Variants in MRM2 observed in about 807,000 individuals in gnomAD.
MRM2 encodes the protein mitochondrial rRNA methyltransferase 2, also known as rRNA methyltransferase 2, mitochondrial.
Under a neutral mutation model 10.9 loss-of-function variants are expected in MRM2, and 15 were observed. That is an observed-to-expected ratio of 1.37 (90% confidence interval 0.92 to 2.11). The LOEUF (loss-of-function observed/expected upper bound fraction) is 2.11. Among genes scored for constraint, MRM2 ranks in the 30% most tolerant of loss-of-function variants. MRM2 has a pLI of 0.00. For synonymous variants in MRM2, 139 were observed against 128.7 expected (o/e 1.08, Z -0.54); for missense variants, 328 against 321.3 (o/e 1.02, Z -0.16).
intron 2 of MRM2, among the ~76,000 whole-genome samples, chr7:2,235,834 A>G (rs1701118871): frequency 6.6e-6 from 1 of 152,214 alleles, no homozygotes; most frequent in African/African-American, 2.4e-5. Flanking sequence ...GACCTGTGCC[A>G]GGCATCAGGA....
intron 2 of MRM2, among the ~76,000 whole-genome samples, chr7:2,236,882 G>A (rs1340917743): frequency 6.6e-6 from 1 of 152,124 alleles, no homozygotes; most frequent in Non-Finnish European, 1.5e-5. Context: ...TTTGAATGTA[G>A]GTACAGAGTG....
intron 2 of MRM2, among the ~76,000 whole-genome samples, 153 bp from the exon 3 acceptor site, chr7:2,235,717 C>T (rs1421323061): frequency 6.6e-6 from 1 of 152,234 alleles, no homozygotes; most frequent in Non-Finnish European, 1.5e-5. Flanking sequence ...CCTTCTCTAT[C>T]TATACATCCT....
rs1794377436 is a variant in MRM2 at position 2,234,469 on chromosome 7, G to C, written c.*653C>G. 6.6e-6 allele frequency: 1 copy of C among 152,566 alleles called. No individual in the cohort carries two copies. The highest frequency in any genetic ancestry group is 1.5e-5 in the Non-Finnish European group (1 of 68,348). The allele number at this position is 152,566 out of a possible 1,614,324, so 9.5% of individuals were successfully genotyped here. A position where few individuals can be genotyped will look rare whatever the true frequency, so the allele number is the denominator to read the frequency against. On this transcript the variant is annotated 3_prime_UTR_variant, in exon 3 of 3. Coordinates refer to ENST00000242257, the MANE Select transcript of MRM2 (RefSeq NM_013393.3). Reference sequence around the variant, plus strand: ...TGCTATATTGTTCACCAGAAAGACAGAAGTTAATCCCCAGATGGAAATTTC... The same window carrying C: ...TGCTATATTGTTCACCAGAAAGACACAAGTTAATCCCCAGATGGAAATTTC...
At chr7:2,241,668 A>T (rs1794543948) in intron 1 of MRM2, among the ~76,000 whole-genome samples, 1 of 152,246 alleles carries the variant, frequency 6.6e-6, no homozygotes, top group African/African-American at 2.4e-5. Flanking sequence ...CCAAGGCCAA[A>T]GCTTCTAGCT....
At chr7:2,241,105 G>T (rs956899058) in intron 1 of MRM2, among the ~76,000 whole-genome samples, 1 of 152,188 alleles carries the variant, frequency 6.6e-6, no homozygotes, top group African/African-American at 2.4e-5. Flanking sequence ...GGGCTCAAGT[G>T]AACCTCCCAC....
At chr7:2,242,111 A>C in intron 1 of MRM2, 51 bp downstream of exon 1, 1 of 1,571,398 alleles carries the variant, frequency 6.4e-7, no homozygotes, top group Non-Finnish European at 8.6e-7. Context: ...GACCGGGCGG[A>C]CCCCCAACCA....
At chr7:2,239,381 G>A (rs1250586286) in intron 2 of MRM2, 37 bp downstream of exon 2, 3 of 1,574,724 alleles carry the variant, frequency 1.9e-6, no homozygotes, top group African/African-American at 1.3e-5. Context: ...CAGCCTCAGG[G>A]GAGCCAGAAG....
chr7:2,237,094 TC>T (rs1484224274), intron 2 of MRM2, among the ~76,000 whole-genome samples: 1 of 152,122 alleles, frequency 6.6e-6, no homozygotes, highest in African/African-American at 2.4e-5. Flanking sequence ...AGCCTTGACT[TC>T]CCCAGGTTCG....
At chr7:2,238,988 T>G in intron 2 of MRM2, 1 of 16,168 alleles carries the variant, frequency 6.2e-5, no homozygotes, top group Non-Finnish European at 8.9e-5. Flanking sequence ...TATATATATA[T>G]ATATATATAT....
At chr7:2,237,342 C>A (rs1193028074) in intron 2 of MRM2, among the ~76,000 whole-genome samples, 1 of 152,172 alleles carries the variant, frequency 6.6e-6, no homozygotes, top group Non-Finnish European at 1.5e-5. Context: ...CTATAATATC[C>A]AGTATGTTAC....
Position 2,236,389 on chromosome 7 carries a change from C to T in MRM2, c.299-825G>A, listed in dbSNP as rs549559938. On this transcript the variant is annotated intron_variant, in intron 2 of 2. Transcript: ENST00000242257. The stretch of plus-strand genomic sequence containing the variant: ...AGGAAAATGAACAGATATAAAATAA[C>T]GTACAAAAACTGATATCGGCTAGGT... Among the ~76,000 whole-genome samples, 8 of 151,650 alleles carry T rather than the reference C, an allele frequency of 5.3e-5. No individual in the cohort carries two copies. In the South Asian group the frequency reaches 1.5e-3, roughly 28 times the overall value.
chr7:2,237,694 G>C (rs1458379349), intron 2 of MRM2, among the ~76,000 whole-genome samples: 3 of 152,214 alleles, frequency 2.0e-5, no homozygotes, highest in African/African-American at 7.2e-5. Context: ...GCACCTCGAG[G>C]ATGCTGGGAG....
In MRM2 at chr7:2,242,182, C is replaced by G; in HGVS notation, c.-13G>C. The stretch of plus-strand genomic sequence containing the variant: ...CTCACCCCGCCATTGGTGTTCCCCG[C>G]GCCTGCAGCGCGCCGCCGGAAGTGC... On this transcript the variant is annotated 5_prime_UTR_variant, in exon 1 of 3. Coordinates refer to ENST00000242257, the MANE Select transcript of MRM2 (RefSeq NM_013393.3). The G allele has an allele frequency of 6.3e-7, 1 of 1,579,814 alleles. No individual in the cohort carries two copies. The highest frequency in any genetic ancestry group is 1.1e-5 in the South Asian group (1 of 87,694).
chr7:2,240,175 T>C (rs1794494334), intron 1 of MRM2: 4 of 388,500 alleles, frequency 1.0e-5, no homozygotes, highest in South Asian at 3.8e-5. Flanking sequence ...TGAGCCGAGA[T>C]TGCGCCACTG....
chr7:2,236,918 A>G (rs1413623722), intron 2 of MRM2, among the ~76,000 whole-genome samples: 1 of 152,164 alleles, frequency 6.6e-6, no homozygotes, highest in Non-Finnish European at 1.5e-5. Flanking sequence ...AGATGCTGAG[A>G]TCAGTTATAG....
intron 1 of MRM2, among the ~76,000 whole-genome samples, chr7:2,240,931 G>A (rs1225334502): frequency 3.3e-5 from 5 of 152,128 alleles, no homozygotes; most frequent in Non-Finnish European, 7.3e-5. Flanking sequence ...CCTGACCTCC[G>A]CTGATCTGCC....
chr7:2,239,838 G>A, intron 1 of MRM2, 131 bp from the exon 2 acceptor site: 2 of 787,950 alleles, frequency 2.5e-6, no homozygotes, highest in Non-Finnish European at 4.1e-6. Flanking sequence ...GAGGTGAACT[G>A]ATAAGGCTAC....
Position 2,239,633 on chromosome 7 carries a change from G to A in MRM2, c.83C>T (p.Thr28Ile). 1 of 1,614,106 alleles carries A rather than the reference G, an allele frequency of 6.2e-7. No homozygotes were observed. Residue 28 changes from threonine (T) to isoleucine (I), a missense_variant, in exon 2 of 3, where the codon ACA (threonine) becomes ATA (isoleucine). Physicochemically the swap from Thr to Ile is moderately conservative, Grantham distance 89. Coordinates refer to ENST00000242257, the MANE Select transcript of MRM2 (RefSeq NM_013393.3). ...HTVGSRCKNRTGAEHLWLTRH... is the reference protein window; with the variant it reads ...HTVGSRCKNRIGAEHLWLTRH... ...GGTCAGCCACAGGTGCTCAGCGCCT[G>A]TCCGATTCTTGCAGCGACTCCCAAC...
In MRM2 at chr7:2,235,563, A is replaced by T; in HGVS notation, c.300T>A (p.Asp100Glu). 6.3e-7 allele frequency: 1 copy of T among 1,599,106 alleles called. No individual in the cohort carries two copies. The highest frequency in any genetic ancestry group is 8.5e-7 in the Non-Finnish European group (1 of 1,170,334). The change falls in exon 3 of 3, where the codon GAT becomes GAA. Residue 100 changes from aspartate to glutamate, a missense_variant and splice_region_variant. Asp to Glu is a conservative substitution (Grantham distance 45, BLOSUM62 2). Transcript: ENST00000242257. Reference sequence around the variant, plus strand: ...GCACGAAGCCAACAGGAGAGCTGGGATCTATGGAAGAAATGGTGAATGTGT... The same window carrying T: ...GCACGAAGCCAACAGGAGAGCTGGGTTCTATGGAAGAAATGGTGAATGTGT... ...AVQKVNAAGT[D>E]PSSPVGFVLG...
Sources: allele counts gnomAD v4.1 joint callset (sites outside exome capture counted in the v4.1 genomes callset), GRCh38; gene constraint gnomAD v4.1.1; transcripts MANE v1.5; gene names NCBI Gene and HGNC (gene_info 2026-07-23, HGNC 2026-07-21).